Variants in RANBP2 observed in about 807,000 individuals in gnomAD.
RANBP2 encodes the protein RAN binding protein 2, also known as E3 SUMO-protein ligase RanBP2.
RANBP2 carries 57 observed loss-of-function variants against 303.6 expected under a neutral mutation model. The ratio of observed to expected loss-of-function variants is 0.19; its 90% confidence interval spans 0.15 to 0.23. The LOEUF is 0.23. Among genes scored for constraint, RANBP2 ranks in the 10% least tolerant of loss-of-function variants. The probability of loss-of-function intolerance (pLI) is 1.00; values close to 1 mark genes in which losing one functional copy is unlikely to be tolerated. For synonymous variants in RANBP2, 1,167 were observed against 1,301.5 expected (o/e 0.90, Z 2.23); for missense variants, 3,138 against 3,780.8 (o/e 0.83, Z 4.46).
chr2:109,213,994 G>A, the RANBP2 span, among the ~76,000 whole-genome samples: 1 of 152,346 alleles, frequency 6.6e-6, no homozygotes, highest in Admixed American at 6.5e-5. Flanking sequence ...TTGGGTGGAC[G>A]TGGCGGGCAG....
chr2:109,056,797 T>C, the RANBP2 span, among the ~76,000 whole-genome samples: 2 of 152,226 alleles, frequency 1.3e-5, no homozygotes, highest in African/African-American at 4.8e-5. Context: ...ACACAGTAGG[T>C]ACCTGTGAGA....
the RANBP2 span, among the ~76,000 whole-genome samples, chr2:109,637,739 A>G: frequency 6.6e-6 from 1 of 152,212 alleles, no homozygotes; most frequent in Non-Finnish European, 1.5e-5. Flanking sequence ...AATTAACAAC[A>G]TCTCAGCAAA....
At chr2:109,435,580 T>C in the RANBP2 span, among the ~76,000 whole-genome samples, 1 of 152,196 alleles carries the variant, frequency 6.6e-6, no homozygotes, top group Non-Finnish European at 1.5e-5. Context: ...TATGTGGCTC[T>C]TCCCGTGAGG....
chr2:109,602,931 C>A, the RANBP2 span, among the ~76,000 whole-genome samples: 4 of 147,816 alleles, frequency 2.7e-5, no homozygotes, highest in Admixed American at 2.7e-4. Context: ...ATTAGCCAGG[C>A]ACAGTGGTGT....
the RANBP2 span, among the ~76,000 whole-genome samples, chr2:108,811,247 C>CTT: frequency 8.8e-6 from 1 of 113,906 alleles, no homozygotes; most frequent in African/African-American, 3.8e-5. Flanking sequence ...TTCTCTCTCT[C>CTT]TTTTTTTTTT....
chr2:109,380,048 A>C, the RANBP2 span, among the ~76,000 whole-genome samples: 1 of 152,184 alleles, frequency 6.6e-6, no homozygotes, highest in Non-Finnish European at 1.5e-5. Flanking sequence ...ACAAGACTAC[A>C]TAAGAGGGAG....
the RANBP2 span, among the ~76,000 whole-genome samples, chr2:109,389,544 A>G: frequency 6.6e-6 from 1 of 152,200 alleles, no homozygotes; most frequent in Non-Finnish European, 1.5e-5. Context: ...GGACCCAATC[A>G]ATGGATCGTT....
At chr2:109,585,096 C>A in the RANBP2 span, 1 of 1,417,676 alleles carries the variant, frequency 7.1e-7, no homozygotes. Flanking sequence ...ATAAGAAAAA[C>A]TTGTTTTATT....
the RANBP2 span, among the ~76,000 whole-genome samples, chr2:108,966,395 T>C: frequency 1.3e-5 from 2 of 152,226 alleles, no homozygotes; most frequent in Non-Finnish European, 2.9e-5. Flanking sequence ...TGCAGTGGCA[T>C]TGGAGGCCAG....
At chr2:109,442,260 G>A in the RANBP2 span, among the ~76,000 whole-genome samples, 11 of 149,686 alleles carry the variant, frequency 7.3e-5, no homozygotes, top group South Asian at 2.1e-4. Context: ...ACAGTGAGCC[G>A]AGATCGTGCC....
At chr2:109,287,388 A>G in the RANBP2 span, among the ~76,000 whole-genome samples, 1 of 152,036 alleles carries the variant, frequency 6.6e-6, no homozygotes, top group African/African-American at 2.4e-5. Context: ...ATAAATTGAC[A>G]TGTTTATCTG....
At chr2:109,434,081 C>A in the RANBP2 span, among the ~76,000 whole-genome samples, 2,298 of 152,344 alleles carry the variant, frequency 0.015, 61 homozygotes, top group African/African-American at 0.053. Context: ...GTGCTTGAAG[C>A]CCCTGGCCTG....
At chr2:109,672,547 C>A in the RANBP2 span, among the ~76,000 whole-genome samples, 1 of 152,126 alleles carries the variant, frequency 6.6e-6, no homozygotes, top group Non-Finnish European at 1.5e-5. Context: ...TAAGAACCTG[C>A]AGTGTTGGGC....
At chr2:109,644,305 C>CA in the RANBP2 span, among the ~76,000 whole-genome samples, 578 of 148,906 alleles carry the variant, frequency 3.9e-3, 2 homozygotes, top group African/African-American at 0.013. Flanking sequence ...AGACTCGTCT[C>CA]AAAAAAAAAA....
chr2:109,269,332 C>G, the RANBP2 span, among the ~76,000 whole-genome samples: 1 of 152,180 alleles, frequency 6.6e-6, no homozygotes, highest in African/African-American at 2.4e-5. Context: ...CCTTGCCTTC[C>G]CCCCGGGAGA....
At chr2:109,078,978 G>A in the RANBP2 span, among the ~76,000 whole-genome samples, 97 of 152,146 alleles carry the variant, frequency 6.4e-4, no homozygotes, top group African/African-American at 2.1e-3. Context: ...GCAACGGAGC[G>A]AGACTCTGTT....
At chr2:108,929,236 G>A in the RANBP2 span, 3 of 1,614,138 alleles carry the variant, frequency 1.9e-6, no homozygotes, top group Non-Finnish European at 2.5e-6. Context: ...CATTCTCCAT[G>A]TCCCCTGGTG....
the RANBP2 span, among the ~76,000 whole-genome samples, chr2:109,369,656 C>A: frequency 6.6e-6 from 1 of 152,244 alleles, no homozygotes; most frequent in Admixed American, 6.5e-5. Context: ...TGGGAGAGGG[C>A]GGTTTGGAAG....
At chr2:108,923,501 A>T in the RANBP2 span, 2 of 1,559,716 alleles carry the variant, frequency 1.3e-6, no homozygotes, top group Non-Finnish European at 1.8e-6. Context: ...GCTGGACAGC[A>T]CACAGGCAGG....
Sources: gnomAD v4.1 joint callset for allele counts (sites outside exome capture counted in the v4.1 genomes callset) on GRCh38, gnomAD v4.1.1 for gene constraint, MANE v1.5 for transcripts, NCBI Gene and HGNC (gene_info 2026-07-23, HGNC 2026-07-21) for gene names.